The following NRCAM variants were observed in gnomAD, a reference collection of about 807,000 sequenced individuals.
NRCAM encodes NgCAM-related cell adhesion molecule.
Under a neutral mutation model 156.5 loss-of-function variants are expected in NRCAM, and 83 were observed. The observed-to-expected ratio is 0.53, with a 90% CI of 0.44 to 0.64. The LOEUF (loss-of-function observed/expected upper bound fraction) is 0.64, where lower values mean the gene tolerates loss of function less well. Among genes scored for constraint, NRCAM ranks in the 30% least tolerant of loss-of-function variants. The pLI, the probability that NRCAM is intolerant of heterozygous loss-of-function variation, is 0.00. For synonymous variants in NRCAM, 538 were observed against 563.9 expected, an observed-to-expected ratio of 0.95 and a Z score of 0.65; for missense variants, 1,417 against 1,597.3, an observed-to-expected ratio of 0.89 and a Z score of 1.92.
intron 3 of NRCAM, among the ~76,000 whole-genome samples, chr7:108,285,375 CAG>C (rs955885915): frequency 1.3e-5 from 2 of 152,146 alleles, no homozygotes; most frequent in East Asian, 1.9e-4. Context: ...CTGGCTCTAT[CAG>C]GGGGTACTAT....
intron 1 of NRCAM, among the ~76,000 whole-genome samples, chr7:108,450,064 G>C (rs1346805123): frequency 6.6e-6 from 1 of 151,938 alleles, no homozygotes; most frequent in South Asian, 2.1e-4. Context: ...GATCATTTTT[G>C]CCTGACAGTA....
At chr7:108,438,847 A>C (rs1835241218) in intron 1 of NRCAM, among the ~76,000 whole-genome samples, 1 of 152,192 alleles carries the variant, frequency 6.6e-6, no homozygotes, top group Admixed American at 6.5e-5. Flanking sequence ...AACGATCTAA[A>C]ATGATATGAA....
chr7:108,349,337 C>T (rs1157691515), intron 2 of NRCAM, among the ~76,000 whole-genome samples: 7 of 151,714 alleles, frequency 4.6e-5, no homozygotes, highest in African/African-American at 1.2e-4. Context: ...GGCATGATCC[C>T]GGCTCACTGC....
chr7:108,218,653 C>T (rs1293199562), intron 11 of NRCAM, among the ~76,000 whole-genome samples: 2 of 152,062 alleles, frequency 1.3e-5, no homozygotes, highest in Admixed American at 6.5e-5. Flanking sequence ...AAAAATTCTT[C>T]GAACTGAACG....
chr7:108,320,450 A>G (rs1385034926), intron 2 of NRCAM, among the ~76,000 whole-genome samples: 3 of 152,028 alleles, frequency 2.0e-5, no homozygotes, highest in Admixed American at 6.6e-5. Context: ...AAACAAAACA[A>G]AACAAAACAA....
rs1373111612 is a variant in NRCAM at position 108,365,329 on chromosome 7, T to C, written c.-174+34107A>G. ...GTATTATAATGATTATATCTCAACC[T>C]CTCAAATCTTGTATTTCTCATCAAA... On this transcript the variant is annotated intron_variant, in intron 2 of 32. Coordinates refer to ENST00000379028, the MANE Select transcript of NRCAM (RefSeq NM_001037132.4). Among the ~76,000 whole-genome samples, 3 of 152,132 alleles carry C rather than the reference T, an allele frequency of 2.0e-5. No homozygotes were observed. The East Asian group carries it at 5.8e-4, about 29-fold the overall frequency.
chr7:108,249,382 C>A (rs956328934), intron 3 of NRCAM, among the ~76,000 whole-genome samples: 1 of 152,196 alleles, frequency 6.6e-6, no homozygotes, highest in Admixed American at 6.5e-5. Context: ...AAGAACAAAT[C>A]TCAGTCACTT....
At chr7:108,279,803 T>G (rs1375913690) in intron 3 of NRCAM, among the ~76,000 whole-genome samples, 1 of 151,920 alleles carries the variant, frequency 6.6e-6, no homozygotes, top group African/African-American at 2.4e-5. Context: ...CAAGTGATCC[T>G]CCCATCTCAG....
chr7:108,408,230 T>C (rs1790927836), intron 1 of NRCAM, among the ~76,000 whole-genome samples: 1 of 152,200 alleles, frequency 6.6e-6, no homozygotes, highest in Admixed American at 6.5e-5. Context: ...AGGTAGCACA[T>C]AGATTATATG....
At chr7:108,335,496 G>A (rs2099174888) in intron 2 of NRCAM, among the ~76,000 whole-genome samples, 1 of 139,604 alleles carries the variant, frequency 7.2e-6, no homozygotes, top group Admixed American at 7.9e-5. Context: ...TGGCTGGCTG[G>A]CTGCCAACTA....
intron 3 of NRCAM, among the ~76,000 whole-genome samples, chr7:108,255,352 G>C (rs1003108514): frequency 1.3e-5 from 2 of 152,188 alleles, no homozygotes; most frequent in Non-Finnish European, 2.9e-5. Context: ...TTTTTTGGTG[G>C]AGACGGGGTT....
intron 1 of NRCAM, among the ~76,000 whole-genome samples, chr7:108,403,119 T>A (rs2099797707): frequency 6.6e-6 from 1 of 152,196 alleles, no homozygotes; most frequent in Non-Finnish European, 1.5e-5. Flanking sequence ...CAGACTAAGA[T>A]TACAGCACTC....
In NRCAM at chr7:108,178,310, A is replaced by G; in HGVS notation, c.2852-198T>C. 3.7e-6 allele frequency: 2 copies of G among 539,288 alleles called. 1 individual carries two copies. Among genetic ancestry groups the G allele is most frequent in the South Asian group, 4.3e-5 (2 of 46,430 alleles). The allele number at this position is 539,288 out of a possible 1,614,324, so 33.4% of individuals were successfully genotyped here. A position where few individuals can be genotyped will look rare whatever the true frequency, so the allele number is the denominator to read the frequency against. Reference sequence around the variant, plus strand: ...TCTTCCTTTTTCTCTCTTGTCATTTACATTTATATTTAATAAAACCATCCT... The same window carrying G: ...TCTTCCTTTTTCTCTCTTGTCATTTGCATTTATATTTAATAAAACCATCCT... On this transcript the variant is annotated intron_variant, in intron 25 of 32. Coordinates refer to ENST00000379028, the MANE Select transcript of NRCAM (RefSeq NM_001037132.4).
intron 3 of NRCAM, among the ~76,000 whole-genome samples, chr7:108,279,377 C>G (rs895219019): frequency 3.9e-5 from 6 of 152,038 alleles, no homozygotes; most frequent in Non-Finnish European, 8.8e-5. Flanking sequence ...TTTCATGTGC[C>G]TTTAAACACT....
intron 2 of NRCAM, among the ~76,000 whole-genome samples, chr7:108,362,139 A>G (rs768390190): frequency 6.6e-6 from 1 of 152,214 alleles, no homozygotes; most frequent in East Asian, 1.9e-4. Flanking sequence ...CAACAGAAAT[A>G]TATTTCTCAC....
chr7:108,155,265 T>G (rs2044623165), intron 32 of NRCAM, among the ~76,000 whole-genome samples: 3 of 151,878 alleles, frequency 2.0e-5, no homozygotes, highest in Admixed American at 6.6e-5. Flanking sequence ...ATGGTGTGTA[T>G]CAGACATTAA....
At chr7:108,213,170 C>G (rs182752622) in intron 11 of NRCAM, among the ~76,000 whole-genome samples, 1 of 152,278 alleles carries the variant, frequency 6.6e-6, no homozygotes, top group African/African-American at 2.4e-5. Flanking sequence ...AGGAAAGATA[C>G]AGTCTTTTTC....
Position 108,324,877 on chromosome 7 carries a change from CTTTT to C in NRCAM, c.-173-12150_-173-12147del, listed in dbSNP as rs60553976. ...TGTTTGTGTAATATTTGGCACTGTACTTTTTTTTTTTTTTTTTTTTTTTTTTTTA... is the reference window on the plus strand; with the variant it reads ...TGTTTGTGTAATATTTGGCACTGTACTTTTTTTTTTTTTTTTTTTTTTTTA... On this transcript the variant is annotated intron_variant, in intron 2 of 32. Transcript: ENST00000379028. Among the ~76,000 whole-genome samples, 745 of 82,696 alleles carry C rather than the reference CTTTT, an allele frequency of 9.0e-3. 29 individuals carry two copies. The highest frequency in any genetic ancestry group is 0.033 in the African/African-American group (638 of 19,576). The allele number at this position is 82,696 out of a possible 152,430, so 54.3% of individuals were successfully genotyped here.
chr7:108,214,834 T>C lies in NRCAM; in HGVS notation c.891-5229A>G, dbSNP rs190562443. Among the ~76,000 whole-genome samples the C allele has an allele frequency of 5.0e-4, 76 of 152,346 alleles. No individual in the cohort carries two copies. The East Asian group carries it at 5.2e-3, about 10-fold the overall frequency. The stretch of plus-strand genomic sequence containing the variant: ...CATTGGTTTCAAAGAACTTATTTAT[T>C]TCTGCCTTAATTTCGTTATTTACCC... On this transcript the variant is annotated intron_variant, in intron 11 of 32. Coordinates refer to ENST00000379028, the MANE Select transcript of NRCAM (RefSeq NM_001037132.4).
Sources: gnomAD v4.1 joint callset for allele counts (sites outside exome capture counted in the v4.1 genomes callset) on GRCh38, gnomAD v4.1.1 for gene constraint, MANE v1.5 for transcripts, NCBI Gene and HGNC (gene_info 2026-07-23, HGNC 2026-07-21) for gene names.